The following TMTC2 variants were observed in gnomAD, a reference collection of about 807,000 sequenced individuals.
TMTC2 encodes transmembrane O-mannosyltransferase targeting cadherins 2, also known as protein O-mannosyl-transferase TMTC2.
In TMTC2, 43 loss-of-function variants were observed where a neutral mutation model predicts 82.4. That is an observed-to-expected ratio of 0.52 (90% confidence interval 0.41 to 0.67). TMTC2 has a LOEUF of 0.67. Ranked by LOEUF, TMTC2 falls within the 30% of genes least tolerant of loss-of-function variation. The probability of loss-of-function intolerance (pLI) is 0.00; values close to 1 mark genes in which losing one functional copy is unlikely to be tolerated. For synonymous variants in TMTC2, 408 were observed against 381.9 expected, an observed-to-expected ratio of 1.07 and a Z score of -0.80; for missense variants, 919 against 1,012.4, an observed-to-expected ratio of 0.91 and a Z score of 1.25.
intron 10 of TMTC2, among the ~76,000 whole-genome samples, chr12:83,056,268 C>T (rs986216175): frequency 2.0e-5 from 3 of 151,890 alleles, no homozygotes; most frequent in Admixed American, 6.6e-5. Context: ...ATGTGGGTCA[C>T]GCATGCAGCT....
At chr12:83,104,335 C>T (rs977952615) in intron 11 of TMTC2, among the ~76,000 whole-genome samples, 2 of 152,220 alleles carry the variant, frequency 1.3e-5, no homozygotes, top group African/African-American at 4.8e-5. Flanking sequence ...AACATTTCCC[C>T]TTGGCACGTC....
intron 4 of TMTC2, among the ~76,000 whole-genome samples, chr12:82,957,471 A>C (rs1384763150): frequency 6.6e-6 from 1 of 152,180 alleles, no homozygotes; most frequent in African/African-American, 2.4e-5. Context: ...AACCTAAACT[A>C]GAAAAACATG....
intron 9 of TMTC2, among the ~76,000 whole-genome samples, chr12:83,040,679 C>CT (rs750327519): frequency 0.39 from 48,797 of 124,478 alleles, 9,793 homozygotes; most frequent in East Asian, 0.73. Flanking sequence ...CTGTCCTTTT[C>CT]TTTTTTTTTT....
chr12:82,813,990 A>G (rs560759819), intron 1 of TMTC2, among the ~76,000 whole-genome samples: 29 of 152,174 alleles, frequency 1.9e-4, no homozygotes, highest in Non-Finnish European at 3.8e-4. Context: ...CAGAGATTAT[A>G]GCATACTTAA....
intron 1 of TMTC2, among the ~76,000 whole-genome samples, chr12:82,813,507 T>C (rs532811357): frequency 3.3e-5 from 5 of 152,174 alleles, no homozygotes; most frequent in Non-Finnish European, 7.4e-5. Flanking sequence ...CCATTCTGCT[T>C]ATTCTCTGCT....
intron 2 of TMTC2, among the ~76,000 whole-genome samples, chr12:82,867,698 A>G (rs550335315): frequency 1.2e-4 from 18 of 152,350 alleles, no homozygotes; most frequent in African/African-American, 4.1e-4. Context: ...GTACATTTCC[A>G]TAACTTTTAT....
intron 4 of TMTC2, among the ~76,000 whole-genome samples, chr12:82,940,306 C>T (rs1033135721): frequency 4.6e-5 from 7 of 151,758 alleles, no homozygotes; most frequent in South Asian, 2.1e-4. Context: ...CGTGAACCAC[C>T]GCGCCCGGCC....
chr12:82,990,442 A>G (rs1192806784), intron 8 of TMTC2, among the ~76,000 whole-genome samples: 1 of 152,144 alleles, frequency 6.6e-6, no homozygotes, highest in Non-Finnish European at 1.5e-5. Flanking sequence ...GCTTTGGCAC[A>G]TTTTATAGAT....
At chr12:82,827,900 T>A (rs1450772026) in intron 1 of TMTC2, among the ~76,000 whole-genome samples, 2 of 151,010 alleles carry the variant, frequency 1.3e-5, no homozygotes, top group Non-Finnish European at 2.9e-5. Flanking sequence ...TTTCTTTTTT[T>A]TTTTTCTTTT....
chr12:82,697,071 C>T lies in TMTC2; in HGVS notation c.83+9402C>T, dbSNP rs150301977. On this transcript the variant is annotated intron_variant, in intron 1 of 11. Transcript: ENST00000321196. ...GTTAAAAATGCAGATTTTGGCCGGG[C>T]GCAGTGGCTCATGCCTGTAATCCCA... 2.3e-3 allele frequency among the ~76,000 whole-genome samples: 355 copies of T among 151,460 alleles called. 3 individuals carry two copies. Among genetic ancestry groups the T allele is most frequent in the African/African-American group, 8.1e-3 (335 of 41,332 alleles).
At chr12:82,889,049 C>T (rs541171172) in intron 2 of TMTC2, among the ~76,000 whole-genome samples, 7 of 152,054 alleles carry the variant, frequency 4.6e-5, no homozygotes, top group East Asian at 3.9e-4. Context: ...GAGGCTGAGG[C>T]GGGCAGATCA....
At chr12:82,848,809 CAA>C (rs1565777141) in intron 1 of TMTC2, among the ~76,000 whole-genome samples, 1 of 152,090 alleles carries the variant, frequency 6.6e-6, no homozygotes, top group East Asian at 1.9e-4. Context: ...TGTCAATACT[CAA>C]AGTCAAAAGC....
intron 1 of TMTC2, among the ~76,000 whole-genome samples, chr12:82,810,703 G>A (rs933656630): frequency 2.0e-4 from 30 of 152,096 alleles, no homozygotes; most frequent in African/African-American, 5.8e-4. Context: ...TAATCCCCAC[G>A]TGTCAAGGGA....
intron 2 of TMTC2, among the ~76,000 whole-genome samples, chr12:82,880,925 G>C (rs1872788957): frequency 6.6e-6 from 1 of 152,146 alleles, no homozygotes; most frequent in Admixed American, 6.6e-5. Flanking sequence ...GCTAATTGGA[G>C]CTATGTCAGG....
At chr12:83,073,753 T>C (rs774172299) in intron 11 of TMTC2, among the ~76,000 whole-genome samples, 23 of 152,152 alleles carry the variant, frequency 1.5e-4, no homozygotes, top group Non-Finnish European at 2.8e-4. Flanking sequence ...TTCTTCTACT[T>C]GTTCAATTTT....
intron 8 of TMTC2, among the ~76,000 whole-genome samples, chr12:83,028,560 T>G (rs2137418524): frequency 6.6e-6 from 1 of 152,336 alleles, no homozygotes; most frequent in Middle Eastern, 3.4e-3. Flanking sequence ...TAATGGCACG[T>G]ATCCACCATT....
intron 1 of TMTC2, among the ~76,000 whole-genome samples, chr12:82,711,615 A>G (rs1480946612): frequency 3.3e-5 from 5 of 152,196 alleles, no homozygotes; most frequent in East Asian, 1.9e-4. Flanking sequence ...TATTTACAGC[A>G]TAGTAAAATC....
intron 1 of TMTC2, among the ~76,000 whole-genome samples, 175 bp from the exon 2 acceptor site, chr12:82,856,835 G>T (rs543220035): frequency 4.6e-5 from 7 of 152,222 alleles, no homozygotes; most frequent in African/African-American, 1.7e-4. Flanking sequence ...AACCCTCATT[G>T]TGGTTTTAGT....
intron 11 of TMTC2, among the ~76,000 whole-genome samples, chr12:83,121,604 T>C (rs1200602776): frequency 6.6e-6 from 1 of 152,114 alleles, no homozygotes; most frequent in Non-Finnish European, 1.5e-5. Flanking sequence ...TTTGGTGGTT[T>C]AATGCACTCT....
Sources: allele counts gnomAD v4.1 joint callset (sites outside exome capture counted in the v4.1 genomes callset), GRCh38; gene constraint gnomAD v4.1.1; transcripts MANE v1.5; gene names NCBI Gene and HGNC (gene_info 2026-07-23, HGNC 2026-07-21).